SSRP1: variants seen among roughly 807,000 people sequenced by gnomAD.
SSRP1 encodes the protein structure specific recognition protein 1.
In SSRP1, 21 loss-of-function variants were observed where a neutral mutation model predicts 84.4. The observed-to-expected ratio is 0.25, with a 90% CI of 0.18 to 0.36. SSRP1 has a LOEUF of 0.36. Ranked by LOEUF, SSRP1 falls within the 10% of genes least tolerant of loss-of-function variation. The pLI, the probability that SSRP1 is intolerant of heterozygous loss-of-function variation, is 1.00. For synonymous variants in SSRP1, 319 were observed against 318.3 expected, an observed-to-expected ratio of 1.00 and a Z score of -0.02; for missense variants, 519 against 900.8, an observed-to-expected ratio of 0.58 and a Z score of 5.43.
chr11:57,330,720 G>A lies in SSRP1; in HGVS notation c.1296+135C>T. On this transcript the variant is annotated intron_variant, in intron 10 of 16. Transcript: ENST00000278412. The surrounding 1 kb of genome is among the most constrained non-coding windows in gnomAD (Gnocchi z 4.0). ...GGAAACCTGCACCAGGAGGGGGAAA[G>A]GGTCACACGCACCTCTTTTTTCTAT... 1 of 1,508,436 alleles carries A rather than the reference G, an allele frequency of 6.6e-7. No individual in the cohort carries two copies. Among genetic ancestry groups the A allele is most frequent in the Non-Finnish European group, 8.9e-7 (1 of 1,129,334 alleles). The allele number at this position is 1,508,436 out of a possible 1,614,324, so 93.4% of individuals were successfully genotyped here.
intron 4 of SSRP1, 83 bp downstream of exon 4, chr11:57,333,352 G>A: frequency 1.5e-6 from 2 of 1,294,246 alleles, no homozygotes; most frequent in South Asian, 1.2e-5. Flanking sequence ...GACAGTGGCA[G>A]AGGGAAAAGA....
rs1335137330 is a variant in SSRP1, at chr11:57,330,887, T to C, written c.1264A>G (p.Lys422Glu). The change falls in exon 10 of 17, where the codon AAG becomes GAG. Residue 422 changes from lysine to glutamate, a missense_variant. Around this residue, in one of 7 missense-constraint regions of SSRP1, gnomAD observed 34 missense variants for 34.3 expected, o/e 0.99. Transcript: ENST00000278412. This position sits in a 1 kb window ranked among gnomAD's most constrained non-coding sequence, Gnocchi z 4.0. Reference sequence around the variant, plus strand: ...AATCCTCGGTTTTTGATGTTGAGCTTTTTCGCGTTGACAAAATCAAACAGT... The same window carrying C: ...AATCCTCGGTTTTTGATGTTGAGCTCTTTCGCGTTGACAAAATCAAACAGT... ...GKLFDFVNAK[K>E]LNIKNRGLKE... The C allele has an allele frequency of 1.9e-6, 3 of 1,614,206 alleles. No homozygotes were observed. Among genetic ancestry groups the C allele is most frequent in the Admixed American group, 3.3e-5 (2 of 60,026 alleles).
intron 15 of SSRP1, 173 bp downstream of exon 15, chr11:57,327,253 C>T (rs1241025820): frequency 1.5e-5 from 11 of 738,432 alleles, no homozygotes; most frequent in Non-Finnish European, 1.4e-5. Flanking sequence ...CTTGAATGCC[C>T]TATTGTGTCA....
In SSRP1 at chr11:57,332,862, A is replaced by C; in HGVS notation, c.538-7T>G. ...ACACATTCTGGGCAAAGGCCTGCAAAAGCACATATTGGTAGCCAAGCAGCA... is the reference window on the plus strand; with the variant it reads ...ACACATTCTGGGCAAAGGCCTGCAACAGCACATATTGGTAGCCAAGCAGCA... On this transcript the variant is annotated splice_polypyrimidine_tract_variant and splice_region_variant and intron_variant, in intron 5 of 16. Coordinates refer to ENST00000278412, the MANE Select transcript of SSRP1 (RefSeq NM_003146.3). This position sits in a 1 kb window ranked among gnomAD's most constrained non-coding sequence, Gnocchi z 5.5. 1 of 1,607,306 alleles carries C rather than the reference A, an allele frequency of 6.2e-7. No individual in the cohort carries two copies.
rs1037929578 is a variant in SSRP1, at chr11:57,330,011, C to T, written c.1481+82G>A. The T allele has an allele frequency of 1.9e-6, 3 of 1,552,064 alleles. No homozygotes were observed. The highest frequency in any genetic ancestry group is 2.7e-6 in the Non-Finnish European group (3 of 1,123,754). On this transcript the variant is annotated intron_variant, in intron 12 of 16. Transcript: ENST00000278412. This position sits in a 1 kb window ranked among gnomAD's most constrained non-coding sequence, Gnocchi z 4.0. ...TCTGGGTCAGTAGCTAATGCTGGGACCTGAGAAATGTCCAGAAATCTTCTG... is the reference window on the plus strand; with the variant it reads ...TCTGGGTCAGTAGCTAATGCTGGGATCTGAGAAATGTCCAGAAATCTTCTG...
rs1219126411 is a variant in SSRP1, at chr11:57,330,220, G to A, written c.1435+71C>T. On this transcript the variant is annotated intron_variant, in intron 11 of 16. Coordinates refer to ENST00000278412, the MANE Select transcript of SSRP1 (RefSeq NM_003146.3). The surrounding 1 kb of genome is among the most constrained non-coding windows in gnomAD (Gnocchi z 4.0). ...ACCCAGGCACCCAGCTCTGGCCCAA[G>A]GGTGAGTCCAGCCCGGGCCACAGCG... 4 of 1,614,010 alleles carry A rather than the reference G, an allele frequency of 2.5e-6. No individual in the cohort carries two copies. In the South Asian group the frequency reaches 3.3e-5, roughly 13 times the overall value.
At chr11:57,334,777 G>T in intron 2 of SSRP1, 129 bp from the exon 3 acceptor site, 1 of 1,126,612 alleles carries the variant, frequency 8.9e-7, no homozygotes, top group African/African-American at 1.6e-5. Context: ...CAACAGCTGA[G>T]GGTGCCAAGG....
rs1590607425 is a variant in SSRP1, at chr11:57,330,500, A to C, written c.1297-71T>G. 6.3e-7 allele frequency: 1 copy of C among 1,585,106 alleles called. No individual in the cohort carries two copies. Among genetic ancestry groups the C allele is most frequent in the Non-Finnish European group, 8.6e-7 (1 of 1,167,424 alleles). On this transcript the variant is annotated intron_variant, in intron 10 of 16. Transcript: ENST00000278412. This position sits in a 1 kb window ranked among gnomAD's most constrained non-coding sequence, Gnocchi z 4.0. Reference sequence around the variant, plus strand: ...AGAATCCCTGCACACTCAAAAGCACACCCCCATGCCTGTCAAGTCAGAGCA... The same window carrying C: ...AGAATCCCTGCACACTCAAAAGCACCCCCCCATGCCTGTCAAGTCAGAGCA...
rs906303481 is a variant in SSRP1, at chr11:57,330,227, T to G, written c.1435+64A>C. On this transcript the variant is annotated intron_variant, in intron 11 of 16. Transcript: ENST00000278412. The surrounding 1 kb of genome is among the most constrained non-coding windows in gnomAD (Gnocchi z 4.0). ...CACCCAGCTCTGGCCCAAGGGTGAG[T>G]CCAGCCCGGGCCACAGCGAGGAGCG... The G allele has an allele frequency of 6.2e-7, 1 of 1,613,748 alleles. No individual in the cohort carries two copies. Among genetic ancestry groups the G allele is most frequent in the South Asian group, 1.1e-5 (1 of 91,050 alleles).
chr11:57,330,761 AG>A lies in SSRP1; in HGVS notation c.1296+93del, dbSNP rs1440072485. The A allele has an allele frequency of 6.3e-7, 1 of 1,597,918 alleles. No individual in the cohort carries two copies. The highest frequency in any genetic ancestry group is 2.2e-5 in the East Asian group (1 of 44,648). ...TTTTTTCTATAAGGGTAAGAAGAGA[AG>A]AAAGAGTGAAAAAGAAGCCGGAAAA... is the stretch of plus-strand genomic sequence containing the variant. On this transcript the variant is annotated intron_variant, in intron 10 of 16. Coordinates refer to ENST00000278412, the MANE Select transcript of SSRP1 (RefSeq NM_003146.3). The surrounding 1 kb of genome is among the most constrained non-coding windows in gnomAD (Gnocchi z 4.0).
chr11:57,333,197 G>C, intron 4 of SSRP1, 48 bp from the exon 5 acceptor site: 1 of 1,555,950 alleles, frequency 6.4e-7, no homozygotes, highest in Non-Finnish European at 8.7e-7. Context: ...CCTTAAGTCT[G>C]CATAAGCAAT....
At chr11:57,326,957 A>G in intron 15 of SSRP1, 68 bp from the exon 16 acceptor site, 2 of 1,470,742 alleles carry the variant, frequency 1.4e-6, no homozygotes, top group Non-Finnish European at 1.8e-6. Context: ...AACCTCTCCC[A>G]GCTTTAACAA....
intron 4 of SSRP1, 90 bp downstream of exon 4, chr11:57,333,345 A>G: frequency 1.6e-6 from 2 of 1,242,034 alleles, no homozygotes; most frequent in Admixed American, 1.8e-5. Flanking sequence ...AACCAGAGAC[A>G]GTGGCAGAGG....
In SSRP1 at chr11:57,335,382, C is replaced by T; in HGVS notation, c.-119-142G>A. ...AAACCTACAGACGGACGCTGCAGTG[C>T]CCGAGGGTCCAGGTCCAGGCCTGGG... On this transcript the variant is annotated intron_variant, in intron 1 of 16. Transcript: ENST00000278412. This position sits in a 1 kb window ranked among gnomAD's most constrained non-coding sequence, Gnocchi z 4.6. 1 of 449,438 alleles carries T rather than the reference C, an allele frequency of 2.2e-6. No homozygotes were observed. The highest frequency in any genetic ancestry group is 4.2e-6 in the Non-Finnish European group (1 of 240,072). The allele number at this position is 449,438 out of a possible 1,614,324, so 27.8% of individuals were successfully genotyped here.
At position 57,326,222 on chromosome 11, in the gene SSRP1, C is replaced by G. The variant is rs1855976589; in HGVS notation, c.*185G>C. ...CTCTCCCCAAATTATAAACAGCCAT[C>G]CTTGGGAAGCAGCAGAGTTAAGACG... is the stretch of plus-strand genomic sequence containing the variant. On this transcript the variant is annotated 3_prime_UTR_variant, in exon 17 of 17. Transcript: ENST00000278412. 2 of 619,564 alleles carry G rather than the reference C, an allele frequency of 3.2e-6. No homozygotes were observed. The highest frequency in any genetic ancestry group is 5.8e-5 in the Admixed American group (2 of 34,554). The allele number at this position is 619,564 out of a possible 1,614,324, so 38.4% of individuals were successfully genotyped here.
chr11:57,333,592 C>T (rs1856141908), intron 3 of SSRP1, 52 bp from the exon 4 acceptor site: 3 of 1,317,780 alleles, frequency 2.3e-6, no homozygotes, highest in East Asian at 2.3e-5. Context: ...GTGGCCTTAA[C>T]ACCGACTTGA....
rs770755791 is a variant in SSRP1 at position 57,326,865 on chromosome 11, T to C, written c.1896A>G (p.Lys632=). ...SKRDKSKKKK[K]VKVKMEKKST... Reference sequence around the variant, plus strand: ...ATTTCTTTTCCATCTTTACCTTTACTTTCTTCTTCTTCTTTGACTTGTCCC... The same window carrying C: ...ATTTCTTTTCCATCTTTACCTTTACCTTCTTCTTCTTCTTTGACTTGTCCC... The change falls in exon 16 of 17, where the codon AAA becomes AAG. Residue 632 remains lysine, a synonymous_variant. Coordinates refer to ENST00000278412, the MANE Select transcript of SSRP1 (RefSeq NM_003146.3). 1.9e-6 allele frequency: 3 copies of C among 1,611,876 alleles called. No individual in the cohort carries two copies. The highest frequency in any genetic ancestry group is 1.7e-6 in the Non-Finnish European group (2 of 1,178,844).
intron 4 of SSRP1, 65 bp downstream of exon 4, chr11:57,333,370 A>G: frequency 1.4e-6 from 2 of 1,419,180 alleles, no homozygotes; most frequent in Non-Finnish European, 2.0e-6. Flanking sequence ...AGAGCAAAAC[A>G]AGTAAAAGGC....
At position 57,327,744 on chromosome 11, in the gene SSRP1, T is replaced by A. The variant is rs149785307; in HGVS notation, c.1750A>T (p.Ile584Phe). 1.9e-6 allele frequency: 3 copies of A among 1,614,022 alleles called. No individual in the cohort carries two copies. Among genetic ancestry groups the A allele is most frequent in the Non-Finnish European group, 2.5e-6 (3 of 1,180,044 alleles). ...ITDLSKKAGEIWKGMSKEKKE... is the reference protein window; with the variant it reads ...ITDLSKKAGEFWKGMSKEKKE... ...TTCTCTTTGGACATTCCCTTCCAGA[T>A]CTCGCCTGCCTTCTTGGAAAGATCC... is the stretch of plus-strand genomic sequence containing the variant. The change falls in exon 14 of 17, where the codon ATC becomes TTC. Residue 584 changes from isoleucine to phenylalanine, a missense_variant. Ile to Phe is a conservative substitution (Grantham distance 21). Transcript: ENST00000278412.
Sources: allele counts gnomAD v4.1 joint callset, GRCh38; gene constraint gnomAD v4.1.1; regional missense constraint gnomAD v4.1.1; non-coding constraint Gnocchi (gnomAD v3.1); transcripts MANE v1.5; gene names NCBI Gene and HGNC (gene_info 2026-07-23, HGNC 2026-07-21).